MID2: variants seen among roughly 807,000 people sequenced by gnomAD.
The protein encoded by MID2 is probable E3 ubiquitin-protein ligase MID2.
In MID2, 13 loss-of-function variants were observed where a neutral mutation model predicts 46.1. The ratio of observed to expected loss-of-function variants is 0.28; its 90% CI spans 0.18 to 0.45. The LOEUF (loss-of-function observed/expected upper bound fraction) is 0.45, where lower values mean the gene tolerates loss of function less well. Ranked by LOEUF, MID2 falls within the 20% of genes least tolerant of loss-of-function variation. MID2 has a pLI of 1.00. For synonymous variants in MID2, 199 were observed against 212.3 expected (o/e 0.94, Z 0.55); for missense variants, 431 against 575.4 (o/e 0.75, Z 2.57).
At chrX:107,847,642 T>C (rs1931521857) in intron 2 of MID2, among the ~76,000 whole-genome samples, 1 of 111,940 alleles carries the variant, frequency 8.9e-6, no homozygotes, top group Admixed American at 9.5e-5. Flanking sequence ...GATTTGAGTC[T>C]GATGTGATTG....
At chrX:107,862,298 C>T (rs1931876386) in intron 3 of MID2, among the ~76,000 whole-genome samples, 1 of 111,679 alleles carries the variant, frequency 9.0e-6, no homozygotes, top group Non-Finnish European at 1.9e-5. Context: ...CTCAGGACTT[C>T]CAAAGCTTTT....
At chrX:107,916,226 C>T (rs1382421823) in intron 6 of MID2, 97 bp downstream of exon 6, 2 of 708,955 alleles carry the variant, frequency 2.8e-6, no homozygotes, top group East Asian at 4.2e-5. Flanking sequence ...TTATAATTTA[C>T]ATATTTTATA....
chrX:107,857,455 T>A (rs1292841857), intron 3 of MID2, among the ~76,000 whole-genome samples: 1 of 111,753 alleles, frequency 8.9e-6, no homozygotes, highest in East Asian at 2.8e-4. Flanking sequence ...TAATTTCTTG[T>A]ATTTTAGTAG....
At chrX:107,864,536 C>T (rs1313680244) in intron 3 of MID2, among the ~76,000 whole-genome samples, 2 of 111,194 alleles carry the variant, frequency 1.8e-5, no homozygotes, top group Non-Finnish European at 3.8e-5. Context: ...CTGAGACTGC[C>T]GGGATGGGTC....
At chrX:107,831,812 A>G (rs959447453) in intron 1 of MID2, among the ~76,000 whole-genome samples, 5 of 112,556 alleles carry the variant, frequency 4.4e-5, no homozygotes, top group Admixed American at 2.8e-4. Flanking sequence ...GGAAAGCTGT[A>G]CCAGTAGTCA....
intron 2 of MID2, among the ~76,000 whole-genome samples, chrX:107,842,396 A>G (rs1327163981): frequency 8.9e-6 from 1 of 112,235 alleles, no homozygotes; most frequent in Non-Finnish European, 1.9e-5. Flanking sequence ...TTCTAGAAAA[A>G]TAAAATGTTT....
intron 7 of MID2, among the ~76,000 whole-genome samples, chrX:107,920,755 T>C (rs912561973): frequency 1.8e-5 from 2 of 112,009 alleles, no homozygotes; most frequent in Non-Finnish European, 3.8e-5. Flanking sequence ...CACAGAAAAC[T>C]TTCCAAGACT....
chrX:107,920,378 T>G (rs1933048649), intron 7 of MID2, among the ~76,000 whole-genome samples: 1 of 112,355 alleles, frequency 8.9e-6, no homozygotes, highest in Non-Finnish European at 1.9e-5. Context: ...TGCTGTGAGG[T>G]GAATGAGAAT....
intron 3 of MID2, among the ~76,000 whole-genome samples, chrX:107,885,020 T>C (rs1932418265): frequency 8.9e-6 from 1 of 112,099 alleles, no homozygotes; most frequent in Non-Finnish European, 1.9e-5. Context: ...AACAATGTAT[T>C]AAGATGGCCA....
chrX:107,912,093 A>T (rs1012676869), intron 5 of MID2, among the ~76,000 whole-genome samples: 2 of 111,770 alleles, frequency 1.8e-5, no homozygotes. Flanking sequence ...TTTCTGTGGC[A>T]CTAAATCAAC....
At position 107,845,525 on chromosome X, in the gene MID2, A is replaced by ACTCTCTCTCTCTCTCT. The variant is rs766707051; in HGVS notation, c.720+4158_720+4173dup. ...CACACACACACACACACACACACAC[A>ACTCTCTCTCTCTCTCT]CTCTCTCTCTCTCTCTCTCTCTCTC... is the stretch of plus-strand genomic sequence containing the variant. On this transcript the variant is annotated intron_variant, in intron 2 of 9. Transcript: ENST00000262843. Among the ~76,000 whole-genome samples the ACTCTCTCTCTCTCTCT allele has an allele frequency of 8.2e-4, 60 of 72,943 alleles. 2 individuals carry two copies. Among genetic ancestry groups the ACTCTCTCTCTCTCTCT allele is most frequent in the African/African-American group, 3.4e-3 (45 of 13,209 alleles). The allele number at this position is 72,943 out of a possible 115,157, so 63.3% of individuals were successfully genotyped here. A position where few individuals can be genotyped will look rare whatever the true frequency, so the allele number is the denominator to read the frequency against.
At chrX:107,864,253 C>T (rs1049986325) in intron 3 of MID2, among the ~76,000 whole-genome samples, 1 of 111,697 alleles carries the variant, frequency 9.0e-6, no homozygotes, top group Admixed American at 9.5e-5. Flanking sequence ...GGGGGCCTGG[C>T]GTTCCTGAAT....
At chrX:107,889,373 C>T (rs1932542909) in intron 3 of MID2, among the ~76,000 whole-genome samples, 1 of 111,524 alleles carries the variant, frequency 9.0e-6, no homozygotes, top group Admixed American at 9.5e-5. Context: ...TTCTCCTTCA[C>T]TTATGAAGCT....
rs2147877900 is a variant in MID2 at position 107,927,571 on chromosome X, C to A, written c.*498C>A. Among the ~76,000 whole-genome samples, 1 of 111,003 alleles carries A rather than the reference C, an allele frequency of 9.0e-6. No homozygotes were observed. Among genetic ancestry groups the A allele is most frequent in the African/African-American group, 3.3e-5 (1 of 30,578 alleles). On this transcript the variant is annotated 3_prime_UTR_variant, in exon 10 of 10. Coordinates refer to ENST00000262843, the MANE Select transcript of MID2 (RefSeq NM_012216.4). ...TATCATCAAGGGTTTGTTAGGAAAC[C>A]ATGAATGTGTATATGTAATATATAA...
Position 107,917,646 on chromosome X carries a change from A to T in MID2, c.1342A>T (p.Ile448Phe), listed in dbSNP as rs1932994254. The change falls in exon 7 of 10, where the codon ATC becomes TTC. Residue 448 changes from isoleucine to phenylalanine, a missense_variant. By Grantham distance (21) the Ile-to-Phe change is conservative. Coordinates refer to ENST00000262843, the MANE Select transcript of MID2 (RefSeq NM_012216.4). ...YTIFTGQANFISKSWCSWGLW... is the reference protein window; with the variant it reads ...YTIFTGQANFFSKSWCSWGLW... Reference sequence around the variant, plus strand: ...CATATTCACTGGCCAGGCTAACTTCATCAGTAAGTCATGGTGTAGTTGGGG... The same window carrying T: ...CATATTCACTGGCCAGGCTAACTTCTTCAGTAAGTCATGGTGTAGTTGGGG... The T allele has an allele frequency of 3.3e-6, 4 of 1,211,796 alleles. No individual in the cohort carries two copies. In the East Asian group the frequency reaches 8.9e-5, roughly 27 times the overall value.
intron 1 of MID2, among the ~76,000 whole-genome samples, chrX:107,832,434 TA>T (rs746092566): frequency 3.6e-5 from 4 of 112,310 alleles, no homozygotes; most frequent in African/African-American, 1.3e-4. Context: ...CTTTTCTTAA[TA>T]ACTTGCTTTG....
chrX:107,904,121 G>A (rs1932816745), intron 4 of MID2, 56 bp downstream of exon 4: 10 of 808,468 alleles, frequency 1.2e-5, no homozygotes, highest in Non-Finnish European at 1.9e-5. Context: ...AAATATCAAA[G>A]TTTGATCCAG....
chrX:107,832,824 C>G (rs1004886915), intron 1 of MID2, among the ~76,000 whole-genome samples: 10 of 112,048 alleles, frequency 8.9e-5, no homozygotes, highest in African/African-American at 1.9e-4. Flanking sequence ...GAATTCGATG[C>G]ATTGGTTGCC....
chrX:107,864,813 C>G (rs1456875792), intron 3 of MID2, among the ~76,000 whole-genome samples: 1 of 111,577 alleles, frequency 9.0e-6, no homozygotes, highest in Non-Finnish European at 1.9e-5. Context: ...ACACATACAG[C>G]CAGGAAATCA....
Sources: gnomAD v4.1 joint callset for allele counts (sites outside exome capture counted in the v4.1 genomes callset) on GRCh38, gnomAD v4.1.1 for gene constraint, MANE v1.5 for transcripts, NCBI Gene and HGNC (gene_info 2026-07-23, HGNC 2026-07-21) for gene names.